Variants in KCNH7 observed in about 807,000 individuals in gnomAD.
KCNH7 encodes the protein voltage-gated inwardly rectifying potassium channel KCNH7.
In KCNH7, 49 loss-of-function variants were observed where a neutral mutation model predicts 120.8. That is an observed-to-expected ratio of 0.41 (90% CI 0.32 to 0.51). The LOEUF (loss-of-function observed/expected upper bound fraction) is 0.51, where lower values mean the gene tolerates loss of function less well. Ranked by LOEUF, KCNH7 falls within the 20% of genes least tolerant of loss-of-function variation. KCNH7 has a pLI of 0.38. For synonymous variants in KCNH7, 547 were observed against 516.1 expected, an observed-to-expected ratio of 1.06 and a Z score of -0.81; for missense variants, 1,097 against 1,446.6, an observed-to-expected ratio of 0.76 and a Z score of 3.92.
At chr2:162,555,382 C>T (rs564034495) in intron 2 of KCNH7, among the ~76,000 whole-genome samples, 1 of 152,304 alleles carries the variant, frequency 6.6e-6, no homozygotes, top group South Asian at 2.1e-4. Flanking sequence ...ACCAGACTTA[C>T]ACTGATTAAA....
intron 6 of KCNH7, among the ~76,000 whole-genome samples, chr2:162,480,225 CCTGA>C (rs947785845): frequency 6.6e-6 from 1 of 151,564 alleles, no homozygotes; most frequent in African/African-American, 2.4e-5. Flanking sequence ...TTGTGGTTTT[CCTGA>C]CTGATTACTA....
intron 2 of KCNH7, among the ~76,000 whole-genome samples, chr2:162,613,712 A>G (rs1433810417): frequency 1.3e-5 from 2 of 152,046 alleles, no homozygotes; most frequent in Non-Finnish European, 2.9e-5. Context: ...TAAAATTTAG[A>G]TAATCCGAGA....
chr2:162,818,618 G>A (rs1684997065), intron 2 of KCNH7, among the ~76,000 whole-genome samples: 1 of 151,848 alleles, frequency 6.6e-6, no homozygotes, highest in Admixed American at 6.6e-5. Flanking sequence ...TATAATTTTG[G>A]TAAAGATTGC....
At chr2:162,657,843 A>G (rs6432734) in intron 2 of KCNH7, among the ~76,000 whole-genome samples, 33,436 of 152,020 alleles carry the variant, frequency 0.22, 5,716 homozygotes, top group African/African-American at 0.47. Flanking sequence ...AACTAAATAT[A>G]AAAGGCAAAC....
chr2:162,804,864 G>A lies in KCNH7; in HGVS notation c.307+31673C>T, dbSNP rs917610060. Among the ~76,000 whole-genome samples the A allele has an allele frequency of 4.0e-5, 6 of 151,318 alleles. No individual in the cohort carries two copies. In the South Asian group the frequency reaches 6.2e-4, roughly 16 times the overall value. On this transcript the variant is annotated intron_variant, in intron 2 of 15. Coordinates refer to ENST00000332142, the MANE Select transcript of KCNH7 (RefSeq NM_033272.4). ...GGACTTCAAGTTATACTACAAGGCC[G>A]TATTTACCAAAATAACATCTTAATG...
intron 2 of KCNH7, among the ~76,000 whole-genome samples, chr2:162,805,887 A>AC (rs1374759643): frequency 6.6e-6 from 1 of 152,218 alleles, no homozygotes; most frequent in African/African-American, 2.4e-5. Context: ...TACAGCACAG[A>AC]ATACTACTCA....
intron 7 of KCNH7, among the ~76,000 whole-genome samples, chr2:162,441,398 A>G (rs80054218): frequency 0.032 from 4,860 of 152,274 alleles, 276 homozygotes; most frequent in African/African-American, 0.11. Context: ...ACATATTATT[A>G]TGATCAGAAT....
At chr2:162,535,529 GA>G (rs774133421) in intron 3 of KCNH7, among the ~76,000 whole-genome samples, 3 of 151,570 alleles carry the variant, frequency 2.0e-5, no homozygotes, top group Non-Finnish European at 4.4e-5. Context: ...AGACATTCCT[GA>G]AAGACACGAA....
At chr2:162,405,457 G>C (rs898921533) in intron 9 of KCNH7, among the ~76,000 whole-genome samples, 1 of 151,908 alleles carries the variant, frequency 6.6e-6, no homozygotes, top group Non-Finnish European at 1.5e-5. Flanking sequence ...GAGCAAAAAT[G>C]AAAGTAGTAT....
intron 2 of KCNH7, among the ~76,000 whole-genome samples, chr2:162,624,128 A>C (rs1683460896): frequency 6.6e-6 from 1 of 152,060 alleles, no homozygotes; most frequent in Non-Finnish European, 1.5e-5. Flanking sequence ...CTGACAGTCA[A>C]CCAGCAATAT....
At chr2:162,609,861 C>T (rs1478943968) in intron 2 of KCNH7, among the ~76,000 whole-genome samples, 1 of 152,116 alleles carries the variant, frequency 6.6e-6, no homozygotes, top group Non-Finnish European at 1.5e-5. Flanking sequence ...GGGGACGGGT[C>T]TGGTCCTGGG....
intron 2 of KCNH7, among the ~76,000 whole-genome samples, chr2:162,608,822 C>T (rs1341905545): frequency 6.6e-6 from 1 of 152,174 alleles, no homozygotes; most frequent in Non-Finnish European, 1.5e-5. Flanking sequence ...TTTTCTATGG[C>T]ATCACTTGAA....
rs777979872 is a variant in KCNH7 at position 162,373,451 on chromosome 2, G to A, written c.3324+19C>T. The A allele has an allele frequency of 9.2e-5, 136 of 1,472,604 alleles. No homozygotes were observed. The highest frequency in any genetic ancestry group is 1.2e-4 in the Non-Finnish European group (131 of 1,103,180). 91.2% of individuals were successfully genotyped at this position (1,472,604 alleles called of 1,614,324 possible). A position where few individuals can be genotyped will look rare whatever the true frequency, so the allele number is the denominator to read the frequency against. On this transcript the variant is annotated intron_variant, in intron 15 of 15. Transcript: ENST00000332142. ...CACACTGTGAGAGACACTCTTGGTT[G>A]GATGGTATCCACACTTACTTGTGAG...
At chr2:162,715,752 GTC>G (rs1559096649) in intron 2 of KCNH7, among the ~76,000 whole-genome samples, 1 of 152,132 alleles carries the variant, frequency 6.6e-6, no homozygotes, top group Non-Finnish European at 1.5e-5. Flanking sequence ...GTACATATAT[GTC>G]TCTGTCTGAT....
chr2:162,463,515 A>G (rs1235550022), intron 6 of KCNH7, among the ~76,000 whole-genome samples: 1 of 151,952 alleles, frequency 6.6e-6, no homozygotes, highest in African/African-American at 2.4e-5. Context: ...TATGTTTGCC[A>G]TATTTTCTGT....
intron 2 of KCNH7, among the ~76,000 whole-genome samples, chr2:162,751,612 T>C (rs1053999170): frequency 6.6e-6 from 1 of 151,978 alleles, no homozygotes; most frequent in African/African-American, 2.4e-5. Flanking sequence ...ATAATTGATA[T>C]GTAGGCAAGT....
intron 15 of KCNH7, among the ~76,000 whole-genome samples, 171 bp downstream of exon 15, chr2:162,373,299 G>A (rs1237755627): frequency 6.6e-6 from 1 of 152,026 alleles, no homozygotes; most frequent in African/African-American, 2.4e-5. Context: ...ATCAGCGTGG[G>A]CTTGTTTAAA....
chr2:162,568,944 T>C (rs1019573258), intron 2 of KCNH7, among the ~76,000 whole-genome samples: 9 of 152,248 alleles, frequency 5.9e-5, no homozygotes, highest in African/African-American at 2.2e-4. Context: ...TGAGGATTTT[T>C]GCATCAATGT....
chr2:162,724,173 C>T (rs984571621), intron 2 of KCNH7, among the ~76,000 whole-genome samples: 22 of 151,994 alleles, frequency 1.4e-4, no homozygotes, highest in African/African-American at 4.6e-4. Flanking sequence ...TTTGTGTGTG[C>T]GCACCTCATA....
Sources: allele counts gnomAD v4.1 joint callset (sites outside exome capture counted in the v4.1 genomes callset), GRCh38; gene constraint gnomAD v4.1.1; transcripts MANE v1.5; gene names NCBI Gene and HGNC (gene_info 2026-07-23, HGNC 2026-07-21).